GRAMD1B: variants seen among roughly 807,000 people sequenced by gnomAD.
GRAMD1B encodes GRAM domain containing 1B, also known as protein Aster-B.
GRAMD1B carries 37 observed loss-of-function variants against 99.7 expected under a neutral mutation model. The ratio of observed to expected loss-of-function variants is 0.37; its 90% confidence interval spans 0.29 to 0.49. The LOEUF (loss-of-function observed/expected upper bound fraction) is 0.49. Among genes scored for constraint, GRAMD1B ranks in the 20% least tolerant of loss-of-function variants. GRAMD1B has a pLI of 0.98. For missense variants in GRAMD1B, 888 were observed against 1,009.2 expected, an observed-to-expected ratio of 0.88 and a Z score of 1.63; for synonymous variants, 427 against 387.6, an observed-to-expected ratio of 1.10 and a Z score of -1.19.
chr11:123,566,895 C>T (rs1324651040), intron 2 of GRAMD1B, among the ~76,000 whole-genome samples: 1 of 152,172 alleles, frequency 6.6e-6, no homozygotes, highest in Non-Finnish European at 1.5e-5. Flanking sequence ...TGGCCCCAGC[C>T]CCCATGGAGT....
intron 1 of GRAMD1B, among the ~76,000 whole-genome samples, chr11:123,466,372 GAA>G (rs35094476): frequency 0.27 from 21,151 of 78,682 alleles, 1,885 homozygotes; most frequent in East Asian, 0.6. Context: ...GAAGGAAAAA[GAA>G]AGAGAGAGAG....
chr11:123,374,945 A>T (rs1167302839), intron 1 of GRAMD1B, among the ~76,000 whole-genome samples: 3 of 152,192 alleles, frequency 2.0e-5, no homozygotes, highest in Non-Finnish European at 4.4e-5. Flanking sequence ...ATCTATTAAC[A>T]TATCGGAAGT....
At chr11:123,586,086 C>T (rs961333009) in intron 4 of GRAMD1B, among the ~76,000 whole-genome samples, 6 of 152,290 alleles carry the variant, frequency 3.9e-5, no homozygotes, top group Admixed American at 6.5e-5. Context: ...CCATCCTTTC[C>T]CCCTGTTTCC....
intron 1 of GRAMD1B, among the ~76,000 whole-genome samples, chr11:123,377,560 G>A (rs1244417778): frequency 6.6e-6 from 1 of 152,204 alleles, no homozygotes; most frequent in Non-Finnish European, 1.5e-5. Context: ...AAAAGCAGCA[G>A]ATGGGGAGAC....
intron 2 of GRAMD1B, among the ~76,000 whole-genome samples, chr11:123,517,618 C>T (rs192445607): frequency 2.0e-5 from 3 of 151,654 alleles, no homozygotes; most frequent in East Asian, 1.9e-4. Flanking sequence ...ATTCTAGAAT[C>T]GCGGTGCTAA....
At chr11:123,599,408 C>G (rs1951674800) in intron 7 of GRAMD1B, 8 of 671,320 alleles carry the variant, frequency 1.2e-5, no homozygotes, top group Non-Finnish European at 2.8e-6. Flanking sequence ...TGAGCCATTC[C>G]TTCTCCTCAT....
intron 3 of GRAMD1B, among the ~76,000 whole-genome samples, chr11:123,582,337 G>A (rs1020444256): frequency 2.0e-5 from 3 of 152,198 alleles, no homozygotes; most frequent in East Asian, 3.9e-4. Flanking sequence ...GCCTAGAGGC[G>A]AGTTTTCAGG....
intron 2 of GRAMD1B, among the ~76,000 whole-genome samples, chr11:123,496,263 G>A (rs566156309): frequency 6.6e-6 from 1 of 151,166 alleles, no homozygotes; most frequent in African/African-American, 2.4e-5. Context: ...TTTTTCCTTC[G>A]GCACTTTAAA....
chr11:123,572,740 G>A (rs1246188920), intron 2 of GRAMD1B, among the ~76,000 whole-genome samples: 2 of 152,240 alleles, frequency 1.3e-5, no homozygotes, highest in African/African-American at 4.8e-5. Flanking sequence ...AAAAGGATCT[G>A]CAGACAGACC....
rs188616920 is a variant in GRAMD1B, at chr11:123,431,232, C to G, written c.374+66C>G. On this transcript the variant is annotated intron_variant, in intron 1 of 19. Transcript: ENST00000635736. ...TCCTCTCCAGAGCCGTCCAGGGCCC[C>G]GGGGCATTCTGGGGGAAACGTCCTG... 679 of 621,890 alleles carry G rather than the reference C, an allele frequency of 1.1e-3. 4 individuals are homozygous for G. The highest frequency in any genetic ancestry group is 0.011 in the African/African-American group (594 of 54,706). 38.5% of individuals were successfully genotyped at this position (621,890 alleles called of 1,614,324 possible).
rs1591389343 is a variant in GRAMD1B, at chr11:123,381,527, T to C, written c.-176+22728T>C. 2.6e-5 allele frequency: 4 copies of C among 153,708 alleles called. No individual in the cohort carries two copies. In the East Asian group the frequency reaches 7.7e-4, roughly 30 times the overall value. The allele number at this position is 153,708 out of a possible 1,614,324, so 9.5% of individuals were successfully genotyped here. On this transcript the variant is annotated intron_variant, in intron 1 of 20. Transcript: ENST00000638157. ...CCCATCTCTGGTTGAGATTCTTGTA[T>C]GCCCGGTCTTTATATGAATGGCAGG...
intron 2 of GRAMD1B, among the ~76,000 whole-genome samples, chr11:123,555,756 C>T (rs374966133): frequency 5.9e-5 from 9 of 151,724 alleles, no homozygotes; most frequent in Middle Eastern, 3.4e-3. Context: ...TTTTTTAAAA[C>T]GGAGTTTTGC....
At position 123,591,795 on chromosome 11, in the gene GRAMD1B, A is replaced by G. The variant is rs999236299; in HGVS notation, c.685-2287A>G. 6.6e-6 allele frequency among the ~76,000 whole-genome samples: 1 copy of G among 152,176 alleles called. No individual in the cohort carries two copies. The highest frequency in any genetic ancestry group is 2.4e-5 in the African/African-American group (1 of 41,448). On this transcript the variant is annotated intron_variant, in intron 4 of 19. Coordinates refer to ENST00000635736, the MANE Select transcript of GRAMD1B (RefSeq NM_001387025.1). The surrounding 1 kb of genome is among the most constrained non-coding windows in gnomAD (Gnocchi z 4.7). The stretch of plus-strand genomic sequence containing the variant: ...AACTGATGAGCCTGCCATGCACACA[A>G]CAGCCTTGTGGAATAGGCTTGTGTT...
intron 1 of GRAMD1B, among the ~76,000 whole-genome samples, chr11:123,415,168 T>C (rs1948192442): frequency 1.4e-5 from 2 of 141,556 alleles, no homozygotes; most frequent in African/African-American, 2.6e-5. Context: ...AGTGGCGCGA[T>C]CTTGGATCAC....
intron 2 of GRAMD1B, among the ~76,000 whole-genome samples, chr11:123,553,768 G>T (rs1379810156): frequency 6.6e-6 from 1 of 152,172 alleles, no homozygotes; most frequent in Non-Finnish European, 1.5e-5. Flanking sequence ...CAGTTCTCTT[G>T]CATTAATGGC....
chr11:123,597,902 A>G (rs1951481228), intron 7 of GRAMD1B: 1 of 896,864 alleles, frequency 1.1e-6, no homozygotes, highest in African/African-American at 1.6e-5. Context: ...GATCTCAGGG[A>G]AGCCTGGGCT....
At chr11:123,588,883 A>T (rs1592154567) in intron 4 of GRAMD1B, among the ~76,000 whole-genome samples, 1 of 152,136 alleles carries the variant, frequency 6.6e-6, no homozygotes, top group Middle Eastern at 3.4e-3. Context: ...TGGATTTCTG[A>T]TTTTTTTGGA....
At chr11:123,613,783 T>TAA in intron 16 of GRAMD1B, 125 bp downstream of exon 16, 1 of 677,410 alleles carries the variant, frequency 1.5e-6, no homozygotes, top group African/African-American at 1.8e-5. Flanking sequence ...AATTTGAACG[T>TAA]AAGTCACTAA....
At chr11:123,498,015 C>G (rs1184147417) in intron 2 of GRAMD1B, among the ~76,000 whole-genome samples, 1 of 152,148 alleles carries the variant, frequency 6.6e-6, no homozygotes, top group African/African-American at 2.4e-5. Flanking sequence ...CTGTGGCCAC[C>G]ACCACCGGCC....
Sources: allele counts gnomAD v4.1 joint callset (sites outside exome capture counted in the v4.1 genomes callset), GRCh38; gene constraint gnomAD v4.1.1; non-coding constraint Gnocchi (gnomAD v3.1); transcripts MANE v1.5; gene names NCBI Gene and HGNC (gene_info 2026-07-23, HGNC 2026-07-21).